The following PTPRD variants were observed in gnomAD, a reference collection of about 807,000 sequenced individuals.
The protein encoded by PTPRD is receptor-type tyrosine-protein phosphatase delta.
A neutral mutation model predicts 214.5 loss-of-function variants in PTPRD; 34 were observed. That is an observed-to-expected ratio of 0.16 (90% CI 0.12 to 0.21). The LOEUF (loss-of-function observed/expected upper bound fraction) is 0.21. PTPRD is among the 10% of genes least tolerant of loss of function. The probability of loss-of-function intolerance (pLI) is 1.00; values close to 1 mark genes in which losing one functional copy is unlikely to be tolerated. For missense variants in PTPRD, 2,545 were observed against 2,398.7 expected, an observed-to-expected ratio of 1.06 and a Z score of -1.27; for synonymous variants, 1,128 against 845.7, an observed-to-expected ratio of 1.33 and a Z score of -5.79.
intron 39 of PTPRD, among the ~76,000 whole-genome samples, chr9:8,374,727 C>A (rs558507450): frequency 1.6e-4 from 24 of 151,928 alleles, no homozygotes; most frequent in Non-Finnish European, 3.2e-4. Context: ...AAAATACTCT[C>A]CATAAATACA....
At chr9:9,821,364 T>C (rs923298408) in intron 5 of PTPRD, among the ~76,000 whole-genome samples, 1 of 152,080 alleles carries the variant, frequency 6.6e-6, no homozygotes, top group East Asian at 1.9e-4. Context: ...TGTGGTAGGG[T>C]GGAAGGGATT....
At chr9:9,759,927 C>A (rs1275333451) in intron 6 of PTPRD, among the ~76,000 whole-genome samples, 7 of 152,218 alleles carry the variant, frequency 4.6e-5, no homozygotes, top group Non-Finnish European at 7.4e-5. Flanking sequence ...ATGCTCTATT[C>A]TTTCTATAAT....
chr9:8,412,799 A>G (rs1330743483), intron 35 of PTPRD, among the ~76,000 whole-genome samples: 1 of 152,162 alleles, frequency 6.6e-6, no homozygotes, highest in Admixed American at 6.6e-5. Context: ...ACTATATAAC[A>G]TGCCCATCTA....
At chr9:9,836,853 G>C (rs1164401036) in intron 5 of PTPRD, among the ~76,000 whole-genome samples, 1 of 152,068 alleles carries the variant, frequency 6.6e-6, no homozygotes, top group African/African-American at 2.4e-5. Flanking sequence ...CCATGTAATG[G>C]TTCAATAAAT....
intron 5 of PTPRD, among the ~76,000 whole-genome samples, chr9:9,792,677 C>T (rs1000913652): frequency 6.6e-6 from 1 of 152,102 alleles, no homozygotes; most frequent in Non-Finnish European, 1.5e-5. Flanking sequence ...TTTCAGATGA[C>T]TATATGAGAG....
At chr9:8,825,834 A>C (rs926654624) in intron 11 of PTPRD, among the ~76,000 whole-genome samples, 1 of 152,124 alleles carries the variant, frequency 6.6e-6, no homozygotes, top group Non-Finnish European at 1.5e-5. Flanking sequence ...GGCATTTGCA[A>C]ACTGTCATGG....
intron 3 of PTPRD, among the ~76,000 whole-genome samples, chr9:10,196,584 T>A (rs2099399174): frequency 6.6e-6 from 1 of 152,170 alleles, no homozygotes; most frequent in South Asian, 2.1e-4. Flanking sequence ...GACAAATTAG[T>A]ATTAAAATTG....
chr9:9,381,131 C>A (rs982043925), intron 9 of PTPRD, among the ~76,000 whole-genome samples: 21 of 152,016 alleles, frequency 1.4e-4, no homozygotes, highest in African/African-American at 5.1e-4. Context: ...ATATTTTGAT[C>A]TACTCTGACA....
At chr9:8,829,679 A>T (rs964183059) in intron 11 of PTPRD, among the ~76,000 whole-genome samples, 1 of 152,182 alleles carries the variant, frequency 6.6e-6, no homozygotes, top group Non-Finnish European at 1.5e-5. Context: ...TACTAGGAAG[A>T]TAGTACACAT....
At chr9:9,029,041 A>G (rs555532208) in intron 10 of PTPRD, among the ~76,000 whole-genome samples, 23 of 151,900 alleles carry the variant, frequency 1.5e-4, no homozygotes, top group Non-Finnish European at 3.2e-4. Context: ...GAGATGTACA[A>G]TTGTGAAGAT....
chr9:9,846,402 T>C (rs904041831), intron 5 of PTPRD, among the ~76,000 whole-genome samples: 1 of 152,168 alleles, frequency 6.6e-6, no homozygotes, highest in African/African-American at 2.4e-5. Flanking sequence ...TGAAGATACA[T>C]AGCTACACTC....
At chr9:9,468,110 T>G (rs148060944) in intron 8 of PTPRD, among the ~76,000 whole-genome samples, 3 of 152,252 alleles carry the variant, frequency 2.0e-5, no homozygotes, top group African/African-American at 7.2e-5. Context: ...CTACTAGACC[T>G]ACTGTTAGTT....
At chr9:8,767,679 G>C (rs73423091) in intron 11 of PTPRD, among the ~76,000 whole-genome samples, 6,703 of 152,150 alleles carry the variant, frequency 0.044, 371 homozygotes, top group African/African-American at 0.13. Context: ...AGAATTATCA[G>C]GGAGTTAAAA....
intron 8 of PTPRD, among the ~76,000 whole-genome samples, chr9:9,508,821 A>G (rs757842758): frequency 4.6e-5 from 7 of 151,586 alleles, no homozygotes; most frequent in African/African-American, 7.3e-5. Flanking sequence ...AGCAGGATTT[A>G]ACCACTTTTG....
At chr9:9,070,698 T>C (rs2099742442) in intron 10 of PTPRD, among the ~76,000 whole-genome samples, 1 of 152,218 alleles carries the variant, frequency 6.6e-6, no homozygotes, top group Non-Finnish European at 1.5e-5. Context: ...TGAAGCCTCA[T>C]TTGAAGATCC....
chr9:9,871,291 C>A (rs2065346163), intron 5 of PTPRD, among the ~76,000 whole-genome samples: 1 of 152,122 alleles, frequency 6.6e-6, no homozygotes, highest in South Asian at 2.1e-4. Context: ...AACAGTAAGA[C>A]CAAAAGGGTA....
At chr9:8,368,840 T>C (rs921201578) in intron 39 of PTPRD, among the ~76,000 whole-genome samples, 8 of 152,126 alleles carry the variant, frequency 5.3e-5, no homozygotes, top group African/African-American at 1.9e-4. Flanking sequence ...TACAGAATTA[T>C]TGGTGTATGA....
At chr9:8,593,325 C>G (rs887055062) in intron 14 of PTPRD, among the ~76,000 whole-genome samples, 1 of 152,146 alleles carries the variant, frequency 6.6e-6, no homozygotes, top group African/African-American at 2.4e-5. Context: ...TATCTATGGT[C>G]TCCCTGGACC....
intron 8 of PTPRD, among the ~76,000 whole-genome samples, chr9:9,518,208 A>G (rs2096882053): frequency 6.6e-6 from 1 of 152,066 alleles, no homozygotes; most frequent in African/African-American, 2.4e-5. Flanking sequence ...GTGATGTTGA[A>G]TCATAAAGTA....
Sources: allele counts gnomAD v4.1 joint callset (sites outside exome capture counted in the v4.1 genomes callset), GRCh38; gene constraint gnomAD v4.1.1; transcripts MANE v1.5; gene names NCBI Gene and HGNC (gene_info 2026-07-23, HGNC 2026-07-21).